Variants in TULP2 observed in about 807,000 individuals in gnomAD.
TULP2 encodes tubby-related protein 2.
In TULP2, 64 loss-of-function variants were observed where a neutral mutation model predicts 60.3. That is an observed-to-expected ratio of 1.06 (90% CI 0.87 to 1.31). The LOEUF (loss-of-function observed/expected upper bound fraction) is 1.31, where lower values mean the gene tolerates loss of function less well. TULP2 is among the 50% of genes most tolerant of loss of function. The pLI, the probability that TULP2 is intolerant of heterozygous loss-of-function variation, is 0.00. For missense variants in TULP2, 652 were observed against 667.0 expected (o/e 0.98, Z 0.25); for synonymous variants, 267 against 265.4 (o/e 1.01, Z -0.06).
At chr19:48,884,933 T>G (rs2037166506) in intron 9 of TULP2, among the ~76,000 whole-genome samples, 1 of 121,220 alleles carries the variant, frequency 8.2e-6, no homozygotes, top group South Asian at 2.5e-4. Flanking sequence ...TTTTTTTTTT[T>G]TCTGTTGCCC....
chr19:48,887,311 C>CTGTTTTTTTTTTTTTTTTTT (rs2037188969), intron 8 of TULP2, among the ~76,000 whole-genome samples: 1 of 39,330 alleles, frequency 2.5e-5, no homozygotes. Flanking sequence ...GCGCCCAGCC[C>CTGTTTTTTTTTTTTTTTTTT]TTTTTTTTTT....
chr19:48,888,661 G>A (rs1259585678), intron 7 of TULP2, among the ~76,000 whole-genome samples: 5 of 152,030 alleles, frequency 3.3e-5, no homozygotes, highest in Non-Finnish European at 5.9e-5. Flanking sequence ...TCGCTCTGTC[G>A]CCCAGGCTGG....
intron 11 of TULP2, 91 bp downstream of exon 11, chr19:48,883,663 C>T (rs1003157356): frequency 2.1e-6 from 3 of 1,446,200 alleles, no homozygotes; most frequent in Admixed American, 1.9e-5. Context: ...GCCTCCTCTT[C>T]CTCCTCTTCT....
chr19:48,885,403 G>C, intron 9 of TULP2, 45 bp downstream of exon 9: 1 of 1,542,462 alleles, frequency 6.5e-7, no homozygotes, highest in Non-Finnish European at 9.0e-7. Flanking sequence ...CTGTCCCTAA[G>C]CTCCCTGCTA....
chr19:48,884,073 T>G, intron 9 of TULP2, 27 bp from the exon 10 acceptor site: 1 of 1,576,446 alleles, frequency 6.3e-7, no homozygotes, highest in Non-Finnish European at 8.7e-7. Context: ...ATGGATAGAA[T>G]AAAAATACTA....
chr19:48,894,395 C>A (rs2122139795), intron 6 of TULP2, among the ~76,000 whole-genome samples: 1 of 152,166 alleles, frequency 6.6e-6, no homozygotes, highest in African/African-American at 2.4e-5. Flanking sequence ...GTAATCCCAG[C>A]ACTTTGGGAG....
intron 7 of TULP2, 122 bp from the exon 8 acceptor site, chr19:48,888,383 C>A (rs2037203232): frequency 3.0e-6 from 3 of 999,356 alleles, no homozygotes; most frequent in South Asian, 3.5e-5. Flanking sequence ...GCTTATTGGT[C>A]AAAAATCTCA....
Position 48,895,484 on chromosome 19 carries a change from G to A in TULP2, c.231C>T (p.Leu77=), listed in dbSNP as rs1169110322. 1.2e-6 allele frequency: 2 copies of A among 1,610,242 alleles called. No homozygotes were observed. Among genetic ancestry groups the A allele is most frequent in the Non-Finnish European group, 8.5e-7 (1 of 1,177,226 alleles). Residue 77 remains leucine, a synonymous_variant, in exon 5 of 13, where the codon CTC becomes CTT. Transcript: ENST00000221399. ...GATGTGCCTCTGACACTTTCTTCCGGAGGAAAGGGTTCCCAAGGCCTGGGA... is the reference window on the plus strand; with the variant it reads ...GATGTGCCTCTGACACTTTCTTCCGAAGGAAAGGGTTCCCAAGGCCTGGGA... The part of the protein sequence containing the change: ...LGDRGLGNPF[L]RKKVSEAHLP...
At chr19:48,885,363 C>T in intron 9 of TULP2, 85 bp downstream of exon 9, 1 of 1,115,692 alleles carries the variant, frequency 9.0e-7, no homozygotes, top group African/African-American at 1.5e-5. Flanking sequence ...GGAAGGTATG[C>T]TCTGTGGCCT....
In TULP2 at chr19:48,897,035, G is replaced by T. The variant is rs1168644340; in HGVS notation, c.84+310C>A. Among the ~76,000 whole-genome samples the T allele has an allele frequency of 6.6e-6, 1 of 151,910 alleles. No homozygotes were observed. The highest frequency in any genetic ancestry group is 2.4e-5 in the African/African-American group (1 of 41,360). On this transcript the variant is annotated intron_variant, in intron 3 of 12. Coordinates refer to ENST00000221399, the MANE Select transcript of TULP2 (RefSeq NM_003323.3). The surrounding 1 kb of genome is among the most constrained non-coding windows in gnomAD (Gnocchi z 4.0). ...CTCCCGAGTAGCTGGGATTACAGGC[G>T]CCTGCCACCACACCTGGCTAATTTT...
intron 8 of TULP2, among the ~76,000 whole-genome samples, chr19:48,885,764 A>G (rs2037174382): frequency 6.6e-6 from 1 of 152,008 alleles, no homozygotes; most frequent in Admixed American, 6.6e-5. Context: ...GCGTGCCTAT[A>G]GTCCCAGCTA....
chr19:48,888,100 A>C lies in TULP2; in HGVS notation c.798T>G (p.Pro266=). 1 of 1,614,184 alleles carries C rather than the reference A, an allele frequency of 6.2e-7. No homozygotes were observed. The highest frequency in any genetic ancestry group is 1.7e-5 in the Admixed American group (1 of 60,016). ...EASLAIRSPC[P]GLEEDMEAYV... is the part of the protein sequence containing the mutation. ...AGGCTTCCATGTCCTCCTCCAGCCCAGGGCAGGGGGAGCGGATTGCCAAGG... is the reference window on the plus strand; with the variant it reads ...AGGCTTCCATGTCCTCCTCCAGCCCCGGGCAGGGGGAGCGGATTGCCAAGG... Residue 266 remains proline, a synonymous_variant, in exon 8 of 13, where the codon CCT becomes CCG. Coordinates refer to ENST00000221399, the MANE Select transcript of TULP2 (RefSeq NM_003323.3).
At position 48,891,842 on chromosome 19, in the gene TULP2, G is replaced by A. The variant is rs567369097; in HGVS notation, c.515-2211C>T. On this transcript the variant is annotated intron_variant, in intron 6 of 12. Coordinates refer to ENST00000221399, the MANE Select transcript of TULP2 (RefSeq NM_003323.3). ...TTTGGTGTGACTATAGGGTGATGGT[G>A]GGGAGAGGGTCAGCAGGAAAACATG... Among the ~76,000 whole-genome samples, 45 of 152,278 alleles carry A rather than the reference G, an allele frequency of 3.0e-4. 1 individual carries two copies. Among genetic ancestry groups the A allele is most frequent in the African/African-American group, 1.1e-3 (44 of 41,560 alleles).
intron 9 of TULP2, among the ~76,000 whole-genome samples, chr19:48,885,154 G>A (rs910147828): frequency 9.9e-5 from 15 of 151,980 alleles, no homozygotes; most frequent in African/African-American, 1.7e-4. Flanking sequence ...TCCCGCCTCT[G>A]CCTCCCAAAG....
At chr19:48,892,944 A>G (rs1420877494) in intron 6 of TULP2, among the ~76,000 whole-genome samples, 1 of 151,572 alleles carries the variant, frequency 6.6e-6, no homozygotes, top group Non-Finnish European at 1.5e-5. Context: ...AAAAATCATT[A>G]GGTGAATGAG....
At chr19:48,894,314 C>A (rs1030911366) in intron 6 of TULP2, among the ~76,000 whole-genome samples, 1 of 151,896 alleles carries the variant, frequency 6.6e-6, no homozygotes, top group African/African-American at 2.4e-5. Flanking sequence ...ATTACAGGCA[C>A]TTTATTTTTA....
rs768709546 is a variant in TULP2, at chr19:48,897,423, C to G, written c.33-27G>C. The G allele has an allele frequency of 1.9e-6, 3 of 1,612,674 alleles. No homozygotes were observed. The highest frequency in any genetic ancestry group is 1.7e-6 in the Non-Finnish European group (2 of 1,179,320). On this transcript the variant is annotated intron_variant, in intron 2 of 12. Coordinates refer to ENST00000221399, the MANE Select transcript of TULP2 (RefSeq NM_003323.3). This position sits in a 1 kb window ranked among gnomAD's most constrained non-coding sequence, Gnocchi z 4.0. ...TGAGAGAGACACAGGCCCATGGTGA[C>G]AGTGCACAGGGAACCTCGGTTGCCC... is the stretch of plus-strand genomic sequence containing the variant.
In TULP2 at chr19:48,892,193, G is replaced by A. The variant is rs544431039; in HGVS notation, c.515-2562C>T. ...TTTACGGGTGTCGGGCTGGGGGACCGTCAGGTCTTTCCCTTCCCACGAGGC... is the reference window on the plus strand; with the variant it reads ...TTTACGGGTGTCGGGCTGGGGGACCATCAGGTCTTTCCCTTCCCACGAGGC... On this transcript the variant is annotated intron_variant, in intron 6 of 12. Coordinates refer to ENST00000221399, the MANE Select transcript of TULP2 (RefSeq NM_003323.3). Among the ~76,000 whole-genome samples, 324 of 152,298 alleles carry A rather than the reference G, an allele frequency of 2.1e-3. 4 individuals are homozygous for A. The highest frequency in any genetic ancestry group is 7.2e-3 in the African/African-American group (300 of 41,566).
chr19:48,896,479 C>G lies in TULP2; in HGVS notation c.162G>C (p.Pro54=), dbSNP rs371101416. 3 of 1,611,634 alleles carry G rather than the reference C, an allele frequency of 1.9e-6. No individual in the cohort carries two copies. Among genetic ancestry groups the G allele is most frequent in the Non-Finnish European group, 2.5e-6 (3 of 1,179,094 alleles). ...CCCGCAGACAAGAGCGCCAAAGCCA[C>G]GGGGAAGCGTCAGGATTGGCCTGAA... is the stretch of plus-strand genomic sequence containing the variant. The part of the protein sequence containing the change: ...LMVQANPDAS[P]WLWRSCLREE... Residue 54 remains proline, a synonymous_variant, in exon 4 of 13, where the codon CCG becomes CCC. Transcript: ENST00000221399.
Sources: allele counts gnomAD v4.1 joint callset (sites outside exome capture counted in the v4.1 genomes callset), GRCh38; gene constraint gnomAD v4.1.1; non-coding constraint Gnocchi (gnomAD v3.1); transcripts MANE v1.5; gene names NCBI Gene and HGNC (gene_info 2026-07-23, HGNC 2026-07-21).